The following NBPF20 variants were observed in gnomAD, a reference collection of about 807,000 sequenced individuals.
NBPF20 encodes NBPF member 20, also known as NBPF family member NBPF20.
In NBPF20, 90 loss-of-function variants were observed where a neutral mutation model predicts 68.1. The observed-to-expected ratio is 1.32, with a 90% CI of 1.11 to 1.58. NBPF20 has a LOEUF of 1.58. Ranked by LOEUF, NBPF20 falls within the 40% of genes most tolerant of loss-of-function variation. The probability of loss-of-function intolerance (pLI) is 0.00; values close to 1 mark genes in which losing one functional copy is unlikely to be tolerated. For missense variants in NBPF20, 816 were observed against 601.2 expected (o/e 1.36, Z -3.74); for synonymous variants, 290 against 228.1 (o/e 1.27, Z -2.45).
intron 79 of NBPF20, among the ~76,000 whole-genome samples, 184 bp from the exon 85 acceptor site, chr1:145,337,993 A>G (rs1571349779): frequency 1.3e-3 from 110 of 85,376 alleles, no homozygotes; most frequent in African/African-American, 4.6e-3. Context: ...AGAATGAAAG[A>G]GAAAGACAGA....
intron 7 of NBPF20, among the ~76,000 whole-genome samples, chr1:145,396,769 TATAC>T (rs1662266418): frequency 6.7e-6 from 1 of 149,998 alleles, no homozygotes; most frequent in African/African-American, 2.5e-5. Flanking sequence ...TATATATATA[TATAC>T]AGATATATAT....
upstream of NBPF20, chr1:145,407,668 C>A (rs1662863304): frequency 6.6e-6 from 1 of 151,394 alleles, no homozygotes. Context: ...GAGGACAGCA[C>A]CTGCATCGAG....
At chr1:145,393,090 C>G (rs1345632819) in exon 10 of NBPF20, 19 of 617,156 alleles carry the variant, frequency 3.1e-5, no homozygotes, top group Non-Finnish European at 5.1e-5. Flanking sequence ...TGTCAACAGC[C>G]AAGCCAATAC....
At chr1:145,406,071 A>C (rs1553667279), upstream of NBPF20, among the ~76,000 whole-genome samples, 5 of 146,394 alleles carry the variant, frequency 3.4e-5, no homozygotes. Flanking sequence ...GGCACCCGCC[A>C]CCACGCCCGG....
At chr1:145,417,328 C>T in the NBPF20 span, among the ~76,000 whole-genome samples, 10 of 148,410 alleles carry the variant, frequency 6.7e-5, no homozygotes, top group South Asian at 4.3e-4. Flanking sequence ...AAATCTTACA[C>T]GTAAATGTAA....
chr1:145,396,719 A>G (rs1662261542), intron 7 of NBPF20, among the ~76,000 whole-genome samples: 1 of 145,206 alleles, frequency 6.9e-6, no homozygotes, highest in South Asian at 2.1e-4. Context: ...TTTTTTCCAT[A>G]TGTATAGTTT....
At chr1:145,400,432 T>A in exon 6 of NBPF20, 10 of 1,613,130 alleles carry the variant, frequency 6.2e-6, no homozygotes, top group Non-Finnish European at 7.6e-6. Context: ...CATGAGAGGA[T>A]GAGCCAATCA....
In NBPF20 at chr1:145,334,883, G is replaced by A. The variant is rs1196920661; in HGVS notation, c.10053-252C>T. 2.2e-5 allele frequency among the ~76,000 whole-genome samples: 3 copies of A among 137,182 alleles called. No homozygotes were observed. The East Asian group carries it at 6.4e-4, about 29-fold the overall frequency. 90.0% of individuals were successfully genotyped at this position (137,182 alleles called of 152,430 possible). On this transcript the variant is annotated intron_variant, in intron 83 of 137. Coordinates refer to ENST00000369373, the Ensembl canonical transcript of NBPF20. ...AGGAGAAAGTAAGCTCAGCGAGTTG[G>A]CCGGGTGACACACTGATGAAGGGGT...
At chr1:145,402,536 T>C (rs1453065477) in intron 3 of NBPF20, among the ~76,000 whole-genome samples, 155 bp from the exon 9 acceptor site, 13 of 151,858 alleles carry the variant, frequency 8.6e-5, no homozygotes, top group South Asian at 2.1e-4. Flanking sequence ...AGAGAAAGAA[T>C]AGAAAATGGT....
intron 79 of NBPF20, among the ~76,000 whole-genome samples, chr1:145,338,053 A>AC (rs1491327307): frequency 1.5e-4 from 12 of 78,252 alleles, no homozygotes; most frequent in Admixed American, 6.3e-4. Context: ...ACACACACAC[A>AC]GAGAGAGAGA....
At position 145,403,319 on chromosome 1, in the gene NBPF20, C is replaced by T; in HGVS notation, c.176-1G>A. On this transcript the variant is annotated splice_acceptor_variant, in intron 2 of 137. Coordinates refer to ENST00000369373, the Ensembl canonical transcript of NBPF20. LOFTEE classifies it high-confidence loss of function. ...ATGAGGTCTTTGCACTCTTCATATT[C>T]TGAGAAAAGACAGACACGCCTGCCT... 1 of 1,603,244 alleles carries T rather than the reference C, an allele frequency of 6.2e-7. No homozygotes were observed. The highest frequency in any genetic ancestry group is 8.5e-7 in the Non-Finnish European group (1 of 1,172,312).
At chr1:145,419,223 G>A in the NBPF20 span, among the ~76,000 whole-genome samples, 1 of 151,454 alleles carries the variant, frequency 6.6e-6, no homozygotes, top group Non-Finnish European at 1.5e-5. Flanking sequence ...TGGGAGAGAA[G>A]TAGGGAAGGA....
chr1:145,292,654 T>A (rs587676502), intron 136 of NBPF20, among the ~76,000 whole-genome samples, 165 bp from the exon 142 acceptor site: 1 of 148,124 alleles, frequency 6.8e-6, no homozygotes, highest in East Asian at 1.9e-4. Context: ...TGATAGAACT[T>A]CCTCGGTTTT....
chr1:145,402,867 G>A (rs1330191628), intron 3 of NBPF20, among the ~76,000 whole-genome samples: 15 of 151,088 alleles, frequency 9.9e-5, no homozygotes, highest in Non-Finnish European at 2.1e-4. Flanking sequence ...AGTCAGTCAG[G>A]AGGTGATTGT....
At chr1:145,421,423 G>C in the NBPF20 span, among the ~76,000 whole-genome samples, 1 of 152,192 alleles carries the variant, frequency 6.6e-6, no homozygotes, top group Non-Finnish European at 1.5e-5. Flanking sequence ...GGTTGACTGT[G>C]ACTCTGCTGT....
chr1:145,395,044 G>T lies in NBPF20; in HGVS notation c.925C>A (p.Gln309Lys), dbSNP rs1553539958. The T allele has an allele frequency of 3.8e-4, 612 of 1,611,432 alleles. 1 individual carries two copies. The highest frequency in any genetic ancestry group is 2.7e-3 in the African/African-American group (205 of 74,850). The change falls in exon 8 of 138, where the codon CAG (glutamine) becomes AAG (lysine). Residue 309 changes from glutamine (Q) to lysine (K), a missense_variant. Coordinates refer to ENST00000369373, the Ensembl canonical transcript of NBPF20. ...GAGTGAAATGTGCTGCTGTAAGACT[G>T]GTACGAGGCCAACATTTCAGGAGGA...
At chr1:145,404,404 G>C (rs1662672486) in intron 2 of NBPF20, among the ~76,000 whole-genome samples, 1 of 151,918 alleles carries the variant, frequency 6.6e-6, no homozygotes. Context: ...GATTACAGTT[G>C]CCCACCACGA....
intron 115 of NBPF20, among the ~76,000 whole-genome samples, chr1:145,309,467 C>G (rs1317242462): frequency 6.0e-4 from 41 of 68,892 alleles, no homozygotes; most frequent in Middle Eastern, 6.2e-3. Flanking sequence ...CACACACACA[C>G]ACACACACAC....
exon 2 of NBPF20, chr1:145,405,307 A>C (rs782611976): frequency 1.3e-6 from 2 of 1,582,022 alleles, no homozygotes; most frequent in African/African-American, 1.4e-5. Flanking sequence ...GGAGTCAGGG[A>C]CTGGGGAGAA....
Sources: allele counts gnomAD v4.1 joint callset (sites outside exome capture counted in the v4.1 genomes callset), GRCh38; gene constraint gnomAD v4.1.1; transcripts MANE v1.5; gene names NCBI Gene and HGNC (gene_info 2026-07-23, HGNC 2026-07-21).